TMEM117: variants seen among roughly 807,000 people sequenced by gnomAD.
TMEM117 encodes the protein transmembrane protein 117.
In TMEM117, 27 loss-of-function variants were observed where a neutral mutation model predicts 52.4. That is an observed-to-expected ratio of 0.51 (90% CI 0.38 to 0.71). The LOEUF is 0.71. Ranked by LOEUF, TMEM117 falls within the 30% of genes least tolerant of loss-of-function variation. The pLI, the probability that TMEM117 is intolerant of heterozygous loss-of-function variation, is 0.00. For synonymous variants in TMEM117, 215 were observed against 206.3 expected (o/e 1.04, Z -0.36); for missense variants, 556 against 630.5 (o/e 0.88, Z 1.26).
intron 7 of TMEM117, among the ~76,000 whole-genome samples, chr12:44,384,854 G>A (rs1016804462): frequency 6.6e-6 from 1 of 151,908 alleles, no homozygotes; most frequent in African/African-American, 2.4e-5. Context: ...CTACATTTTT[G>A]GCAAACAATA....
intron 2 of TMEM117, among the ~76,000 whole-genome samples, chr12:43,874,151 G>A (rs1731437): frequency 0.99 from 150,285 of 152,304 alleles, 74,188 homozygotes; most frequent in East Asian, 1. Flanking sequence ...TCTTACTTCA[G>A]TAACATTGTA....
At chr12:44,232,105 A>G (rs1949940994) in intron 5 of TMEM117, among the ~76,000 whole-genome samples, 1 of 151,682 alleles carries the variant, frequency 6.6e-6, no homozygotes, top group African/African-American at 2.4e-5. Context: ...GTAAATAAAC[A>G]TTTGCTGTTC....
At chr12:43,881,930 G>T (rs1943903529) in intron 2 of TMEM117, among the ~76,000 whole-genome samples, 1 of 151,668 alleles carries the variant, frequency 6.6e-6, no homozygotes, top group South Asian at 2.1e-4. Flanking sequence ...AAATTAGCTG[G>T]GCGTGGTGGC....
intron 3 of TMEM117, among the ~76,000 whole-genome samples, chr12:43,981,704 C>A (rs544122867): frequency 6.3e-4 from 96 of 152,176 alleles, no homozygotes; most frequent in African/African-American, 2.2e-3. Flanking sequence ...CAAAGTATTG[C>A]CTCAAAATGA....
In TMEM117 at chr12:44,295,419, G is replaced by A. The variant is rs192153066; in HGVS notation, c.609-4161G>A. Among the ~76,000 whole-genome samples, 248 of 152,198 alleles carry A rather than the reference G, an allele frequency of 1.6e-3. 2 individuals carry two copies. Among genetic ancestry groups the A allele is most frequent in the African/African-American group, 5.8e-3 (239 of 41,514 alleles). On this transcript the variant is annotated intron_variant, in intron 5 of 7. Transcript: ENST00000266534. ...AGACAGGGTTTCACTGTGTTGCCCA[G>A]GCTGGTCTCGAACTCCTGACCTCAA...
intron 3 of TMEM117, among the ~76,000 whole-genome samples, chr12:43,989,963 G>A (rs56737736): frequency 0.059 from 8,931 of 152,056 alleles, 527 homozygotes; most frequent in African/African-American, 0.16. Context: ...GACAGTGACT[G>A]TATTATCTAC....
At chr12:43,814,204 T>A in the TMEM117 span, among the ~76,000 whole-genome samples, 1 of 152,100 alleles carries the variant, frequency 6.6e-6, no homozygotes, top group Non-Finnish European at 1.5e-5. Flanking sequence ...AGAAGCAGTG[T>A]TTCCCCTATG....
chr12:44,187,033 C>T (rs1170421186), intron 4 of TMEM117, among the ~76,000 whole-genome samples: 1 of 152,084 alleles, frequency 6.6e-6, no homozygotes, highest in Non-Finnish European at 1.5e-5. Flanking sequence ...TATGTTAAAC[C>T]AGCAGTAATT....
chr12:44,353,921 A>G (rs1409316768), intron 6 of TMEM117, among the ~76,000 whole-genome samples: 1 of 152,148 alleles, frequency 6.6e-6, no homozygotes, highest in Non-Finnish European at 1.5e-5. Flanking sequence ...GATTCTTCCT[A>G]CCCATGAGCA....
intron 3 of TMEM117, among the ~76,000 whole-genome samples, chr12:44,066,697 A>T (rs535095489): frequency 6.6e-6 from 1 of 152,336 alleles, no homozygotes; most frequent in African/African-American, 2.4e-5. Context: ...AATGCTAATG[A>T]TCATTTGAGC....
At chr12:44,121,582 A>G (rs1327193830) in intron 3 of TMEM117, among the ~76,000 whole-genome samples, 2 of 152,204 alleles carry the variant, frequency 1.3e-5, no homozygotes, top group African/African-American at 4.8e-5. Flanking sequence ...GTAGTATGTA[A>G]TACATATAAC....
intron 3 of TMEM117, among the ~76,000 whole-genome samples, chr12:43,999,081 G>A (rs921029374): frequency 2.0e-5 from 3 of 152,120 alleles, no homozygotes; most frequent in South Asian, 4.1e-4. Flanking sequence ...ACTGCTATTC[G>A]GAATGTAAAT....
intron 6 of TMEM117, among the ~76,000 whole-genome samples, chr12:44,317,002 C>CTTTTTTTTTT (rs1202276425): frequency 1.6e-5 from 2 of 121,532 alleles, no homozygotes; most frequent in Non-Finnish European, 3.5e-5. Context: ...TTTTCTTTTT[C>CTTTTTTTTTT]TTTTTTTTTT....
At chr12:43,844,458 G>A (rs568645469) in intron 1 of TMEM117, among the ~76,000 whole-genome samples, 166 bp from the exon 2 acceptor site, 65 of 152,352 alleles carry the variant, frequency 4.3e-4, no homozygotes, top group African/African-American at 1.4e-3. Flanking sequence ...GGAAGGGACA[G>A]TATTCGCTTT....
intron 3 of TMEM117, among the ~76,000 whole-genome samples, chr12:44,016,179 T>C (rs1315986673): frequency 1.3e-5 from 2 of 152,190 alleles, no homozygotes; most frequent in Non-Finnish European, 2.9e-5. Flanking sequence ...TTATGTCCAC[T>C]ACCTCTCACT....
chr12:44,311,909 G>GTATATA (rs1950995007), intron 6 of TMEM117, among the ~76,000 whole-genome samples: 3 of 114,426 alleles, frequency 2.6e-5, no homozygotes, highest in African/African-American at 1.8e-4. Flanking sequence ...ATATATATAT[G>GTATATA]TGTGTATATA....
intron 3 of TMEM117, among the ~76,000 whole-genome samples, chr12:44,077,191 T>G (rs1161715975): frequency 6.6e-6 from 1 of 152,184 alleles, no homozygotes; most frequent in Non-Finnish European, 1.5e-5. Flanking sequence ...ATTAGAACAG[T>G]TGCTCAAATG....
At chr12:43,852,083 G>A (rs1943317985) in intron 2 of TMEM117, among the ~76,000 whole-genome samples, 1 of 150,746 alleles carries the variant, frequency 6.6e-6, no homozygotes, top group Non-Finnish European at 1.5e-5. Flanking sequence ...CTGATCACGA[G>A]GTCAAGAGAT....
In TMEM117 at chr12:43,910,614, A is replaced by G. The variant is rs190026481; in HGVS notation, c.278-33596A>G. Among the ~76,000 whole-genome samples, 157 of 151,958 alleles carry G rather than the reference A, an allele frequency of 1.0e-3. 1 individual carries two copies. The highest frequency in any genetic ancestry group is 2.8e-3 in the African/African-American group (115 of 41,432). ...GAAAACCCCGTTGTCTCAGCCCAAA[A>G]TCTCCTTCAGCTGATAAGCAACTTC... On this transcript the variant is annotated intron_variant, in intron 2 of 7. Coordinates refer to ENST00000266534, the MANE Select transcript of TMEM117 (RefSeq NM_032256.3).
Sources: gnomAD v4.1 joint callset for allele counts (sites outside exome capture counted in the v4.1 genomes callset) on GRCh38, gnomAD v4.1.1 for gene constraint, MANE v1.5 for transcripts, NCBI Gene and HGNC (gene_info 2026-07-23, HGNC 2026-07-21) for gene names.